ASTN1: variants seen among roughly 807,000 people sequenced by gnomAD.
ASTN1 encodes astrotactin 1.
ASTN1 carries 41 observed loss-of-function variants against 140.7 expected under a neutral mutation model. That is an observed-to-expected ratio of 0.29 (90% CI 0.23 to 0.38). The LOEUF is 0.38. ASTN1 is among the 10% of genes least tolerant of loss of function. The probability of loss-of-function intolerance (pLI) is 1.00; values close to 1 mark genes in which losing one functional copy is unlikely to be tolerated. For missense variants in ASTN1, 1,479 were observed against 1,678.8 expected, an observed-to-expected ratio of 0.88 and a Z score of 2.08; for synonymous variants, 640 against 652.2, an observed-to-expected ratio of 0.98 and a Z score of 0.29.
chr1:176,948,772 CT>C (rs1672061471), intron 12 of ASTN1, among the ~76,000 whole-genome samples: 1 of 150,964 alleles, frequency 6.6e-6, no homozygotes, highest in Non-Finnish European at 1.5e-5. Flanking sequence ...GACCACCCCC[CT>C]TTTTTGAGAA....
intron 2 of ASTN1, among the ~76,000 whole-genome samples, chr1:177,033,343 A>G (rs1023870509): frequency 6.6e-6 from 1 of 152,196 alleles, no homozygotes; most frequent in Non-Finnish European, 1.5e-5. Context: ...AGTGGGTCCT[A>G]TAAATTCTAA....
At chr1:177,025,483 T>C (rs936937193) in intron 5 of ASTN1, among the ~76,000 whole-genome samples, 3 of 152,052 alleles carry the variant, frequency 2.0e-5, no homozygotes, top group Non-Finnish European at 2.9e-5. Flanking sequence ...GCTTTTTTTT[T>C]TCCTGTTGGG....
In ASTN1 at chr1:176,861,429, C is replaced by A. The variant is rs1013724954; in HGVS notation, c.*2855G>T. The A allele has an allele frequency of 1.7e-5, 17 of 985,724 alleles. No individual in the cohort carries two copies. In the African/African-American group the frequency reaches 2.8e-4, roughly 16 times the overall value. The allele number at this position is 985,724 out of a possible 1,614,324, so 61.1% of individuals were successfully genotyped here. On this transcript the variant is annotated 3_prime_UTR_variant, in exon 23 of 23. Coordinates refer to ENST00000361833, the MANE Select transcript of ASTN1 (RefSeq NM_004319.3). ...TGGGATATAAGCACCTCCCTTAAGA[C>A]CTGTTTGGCAGCTTGAAAACTCAAG...
intron 18 of ASTN1, among the ~76,000 whole-genome samples, chr1:176,887,628 C>A (rs1295629562): frequency 6.6e-6 from 1 of 152,132 alleles, no homozygotes; most frequent in Non-Finnish European, 1.5e-5. Flanking sequence ...TCTAACTGCT[C>A]CATACAATGC....
At chr1:177,040,924 T>C (rs1398819952) in intron 2 of ASTN1, among the ~76,000 whole-genome samples, 1 of 152,202 alleles carries the variant, frequency 6.6e-6, no homozygotes, top group African/African-American at 2.4e-5. Flanking sequence ...TTTATAGAAC[T>C]GCTTTTTTCC....
At chr1:177,086,159 T>A (rs1383954996) in intron 1 of ASTN1, among the ~76,000 whole-genome samples, 1 of 152,080 alleles carries the variant, frequency 6.6e-6, no homozygotes, top group African/African-American at 2.4e-5. Context: ...TCTTTTATAA[T>A]AGCAGAGAAG....
At chr1:176,980,922 A>G (rs227993) in intron 8 of ASTN1, among the ~76,000 whole-genome samples, 4,114 of 152,222 alleles carry the variant, frequency 0.027, 171 homozygotes, top group African/African-American at 0.09. Flanking sequence ...GTAAGCACCA[A>G]GGAAATAGGC....
chr1:176,990,457 G>A (rs994566930), intron 8 of ASTN1, among the ~76,000 whole-genome samples: 6 of 151,778 alleles, frequency 4.0e-5, no homozygotes, highest in Non-Finnish European at 8.8e-5. Flanking sequence ...AAGACAAGGA[G>A]GAAGATGAGA....
chr1:177,103,184 GA>G (rs994844390), intron 1 of ASTN1, among the ~76,000 whole-genome samples: 2 of 152,192 alleles, frequency 1.3e-5, no homozygotes, highest in Non-Finnish European at 2.9e-5. Context: ...GTCTTATACA[GA>G]CCTCACATGT....
At chr1:177,030,704 C>G (rs906702245) in intron 4 of ASTN1, 102 bp downstream of exon 4, 29 of 1,493,668 alleles carry the variant, frequency 1.9e-5, no homozygotes, top group Non-Finnish European at 9.1e-7. Flanking sequence ...AGGGCATACC[C>G]TCTCCAGCCA....
chr1:176,950,160 C>A (rs572993726), intron 11 of ASTN1, among the ~76,000 whole-genome samples: 1 of 152,340 alleles, frequency 6.6e-6, no homozygotes, highest in South Asian at 2.1e-4. Flanking sequence ...TGAGCAATTA[C>A]AGCACTTACC....
In ASTN1 at chr1:176,993,365, G is replaced by T. The variant is rs571672734; in HGVS notation, c.1523+21426C>A. Among the ~76,000 whole-genome samples, 13 of 152,302 alleles carry T rather than the reference G, an allele frequency of 8.5e-5. No individual in the cohort carries two copies. In the South Asian group the frequency reaches 2.7e-3, roughly 32 times the overall value. ...AATTTTCTTATTTGGCTATATGTGG[G>T]TGCTATGGAACTCCAGGGAGAATCT... On this transcript the variant is annotated intron_variant, in intron 8 of 22. Coordinates refer to ENST00000361833, the MANE Select transcript of ASTN1 (RefSeq NM_004319.3).
At chr1:177,104,202 T>C (rs1260376144) in intron 1 of ASTN1, among the ~76,000 whole-genome samples, 3 of 152,072 alleles carry the variant, frequency 2.0e-5, no homozygotes, top group African/African-American at 7.2e-5. Flanking sequence ...TGGCAAGACA[T>C]GGAAGCAACC....
intron 2 of ASTN1, among the ~76,000 whole-genome samples, chr1:177,046,561 C>T (rs1393753359): frequency 1.3e-5 from 2 of 152,158 alleles, no homozygotes; most frequent in Non-Finnish European, 2.9e-5. Context: ...CCATGTGGTC[C>T]CATCCCACCC....
At position 176,935,158 on chromosome 1, in the gene ASTN1, G is replaced by A. The variant is rs114591978; in HGVS notation, c.2483-818C>T. Among the ~76,000 whole-genome samples the A allele has an allele frequency of 4.2e-3, 643 of 152,126 alleles. 3 individuals are homozygous for A. The highest frequency in any genetic ancestry group is 0.014 in the African/African-American group (593 of 41,490). On this transcript the variant is annotated intron_variant, in intron 15 of 22. Coordinates refer to ENST00000361833, the MANE Select transcript of ASTN1 (RefSeq NM_004319.3). ...CTTTTGGATCTAGCTAGCTTTTCAC[G>A]GTCTCCTTTTCTACGTACCTGTCTC...
chr1:177,056,489 A>G (rs1411275492), intron 2 of ASTN1, among the ~76,000 whole-genome samples: 1 of 151,942 alleles, frequency 6.6e-6, no homozygotes, highest in Non-Finnish European at 1.5e-5. Flanking sequence ...TTTTTTCCCC[A>G]CAACAGTGAC....
intron 1 of ASTN1, among the ~76,000 whole-genome samples, chr1:177,137,317 A>G (rs1294875677): frequency 2.6e-5 from 4 of 152,250 alleles, no homozygotes; most frequent in African/African-American, 7.2e-5. Context: ...ATTCCAGCCA[A>G]CATCTCTTCT....
chr1:176,989,851 C>T (rs961456589), intron 8 of ASTN1, among the ~76,000 whole-genome samples: 1 of 151,954 alleles, frequency 6.6e-6, no homozygotes, highest in Non-Finnish European at 1.5e-5. Context: ...AATTTCCCAC[C>T]TCCCAACTGT....
rs928729398 is a variant in ASTN1 at position 177,014,849 on chromosome 1, T to G, written c.1465A>C (p.Met489Leu). 1 of 1,613,700 alleles carries G rather than the reference T, an allele frequency of 6.2e-7. No homozygotes were observed. Among genetic ancestry groups the G allele is most frequent in the African/African-American group, 1.3e-5 (1 of 74,902 alleles). The stretch of plus-strand genomic sequence containing the variant: ...AGGTGCTTATGTACTGGATCCTTCA[T>G]GTAGCCTTCATAGCAGAGGCATTCC... ...TGECLCYEGY[M>L]KDPVHKHLCI... The change falls in exon 8 of 23, where the codon ATG becomes CTG. Residue 489 changes from methionine to leucine, a missense_variant. Around this residue, in one of 3 missense-constraint regions of ASTN1, gnomAD observed 729 missense variants for 860.4 expected, o/e 0.85. Transcript: ENST00000361833.
Sources: allele counts gnomAD v4.1 joint callset (sites outside exome capture counted in the v4.1 genomes callset), GRCh38; gene constraint gnomAD v4.1.1; regional missense constraint gnomAD v4.1.1; transcripts MANE v1.5; gene names NCBI Gene and HGNC (gene_info 2026-07-23, HGNC 2026-07-21).